The following PCNX1 variants were observed in gnomAD, a reference collection of about 807,000 sequenced individuals.
PCNX1 encodes pecanex 1, also known as pecanex-like protein 1.
PCNX1 carries 78 observed loss-of-function variants against 242.2 expected under a neutral mutation model. That is an observed-to-expected ratio of 0.32 (90% CI 0.27 to 0.39). The LOEUF (loss-of-function observed/expected upper bound fraction) is 0.39, where lower values mean the gene tolerates loss of function less well. Among genes scored for constraint, PCNX1 ranks in the 10% least tolerant of loss-of-function variants. PCNX1 has a pLI of 1.00. For synonymous variants in PCNX1, 1,024 were observed against 1,032.9 expected (o/e 0.99, Z 0.17); for missense variants, 2,581 against 2,856.5 (o/e 0.90, Z 2.20).
At chr14:71,054,094 T>C (rs964177957) in intron 24 of PCNX1, among the ~76,000 whole-genome samples, 3 of 152,236 alleles carry the variant, frequency 2.0e-5, no homozygotes, top group Non-Finnish European at 4.4e-5. Context: ...AAAAAAGAAG[T>C]ATTCTAATAG....
intron 8 of PCNX1, among the ~76,000 whole-genome samples, 176 bp from the exon 9 acceptor site, chr14:71,009,458 G>A (rs528639939): frequency 2.0e-5 from 3 of 152,230 alleles, no homozygotes; most frequent in East Asian, 1.9e-4. Context: ...ACTGTCCAAC[G>A]TTCCTTTTCA....
intron 26 of PCNX1, among the ~76,000 whole-genome samples, chr14:71,070,633 G>T (rs1350073385): frequency 2.6e-5 from 4 of 152,146 alleles, no homozygotes; most frequent in Admixed American, 2.0e-4. Context: ...GGAGCAGAAG[G>T]TCTGAACAGT....
At chr14:70,952,851 T>A (rs1182621755) in intron 2 of PCNX1, among the ~76,000 whole-genome samples, 1 of 152,220 alleles carries the variant, frequency 6.6e-6, no homozygotes, top group Non-Finnish European at 1.5e-5. Context: ...CCAAAATGAT[T>A]TTACCAGTTT....
In PCNX1 at chr14:70,977,424, A is replaced by G. The variant is rs757193896; in HGVS notation, c.1087A>G (p.Lys363Glu). Reference sequence around the variant, plus strand: ...AAAAAGTGGGAAGAGCAAACCTTTGAAAGCAGAGAAAAGCATGGACAGCTT... The same window carrying G: ...AAAAAGTGGGAAGAGCAAACCTTTGGAAGCAGAGAAAAGCATGGACAGCTT... ...PTKSGKSKPL[K>E]AEKSMDSLRS... The change falls in exon 6 of 36, where the codon AAA becomes GAA. Residue 363 changes from lysine to glutamate, a missense_variant. Lys to Glu is a moderately conservative substitution (Grantham distance 56, BLOSUM62 1). Transcript: ENST00000304743. 2 of 1,614,102 alleles carry G rather than the reference A, an allele frequency of 1.2e-6. No individual in the cohort carries two copies. The highest frequency in any genetic ancestry group is 2.2e-5 in the South Asian group (2 of 91,088).
At chr14:70,973,817 C>A (rs2058611311) in intron 5 of PCNX1, among the ~76,000 whole-genome samples, 2 of 152,050 alleles carry the variant, frequency 1.3e-5, no homozygotes, top group Admixed American at 6.5e-5. Context: ...TAGACCTCTG[C>A]CACTGATAAA....
At chr14:70,924,794 G>A (rs1453137308) in intron 1 of PCNX1, among the ~76,000 whole-genome samples, 1 of 151,910 alleles carries the variant, frequency 6.6e-6, no homozygotes, top group Non-Finnish European at 1.5e-5. Context: ...TTGCTATGTT[G>A]CCCAGGCTGG....
intron 1 of PCNX1, among the ~76,000 whole-genome samples, chr14:70,914,787 CTT>C (rs975422583): frequency 6.6e-6 from 1 of 152,144 alleles, no homozygotes; most frequent in Non-Finnish European, 1.5e-5. Flanking sequence ...CCCCTAAACT[CTT>C]CAGCAGGTGC....
At position 71,045,017 on chromosome 14, in the gene PCNX1, A is replaced by G. The variant is rs1331617421; in HGVS notation, c.3868-116A>G. ...AACTGTAGAAAAATGTTTAGTTCTT[A>G]TATTCTAAAATGGACGTTGTCCATT... is the stretch of plus-strand genomic sequence containing the variant. On this transcript the variant is annotated intron_variant, in intron 19 of 35. Transcript: ENST00000304743. 3 of 685,498 alleles carry G rather than the reference A, an allele frequency of 4.4e-6. No homozygotes were observed. In the African/African-American group the frequency reaches 5.5e-5, roughly 13 times the overall value. The allele number at this position is 685,498 out of a possible 1,614,324, so 42.5% of individuals were successfully genotyped here.
At chr14:70,958,534 T>C (rs1224885065) in intron 2 of PCNX1, among the ~76,000 whole-genome samples, 1 of 152,228 alleles carries the variant, frequency 6.6e-6, no homozygotes, top group African/African-American at 2.4e-5. Flanking sequence ...AAACTGTCAC[T>C]TCATGTCCCT....
intron 28 of PCNX1, among the ~76,000 whole-genome samples, chr14:71,080,723 C>A (rs890280770): frequency 1.3e-5 from 2 of 152,168 alleles, no homozygotes; most frequent in African/African-American, 4.8e-5. Context: ...GATTTTGTAT[C>A]TTGAGACTTT....
intron 8 of PCNX1, among the ~76,000 whole-genome samples, chr14:71,007,234 A>C (rs900598105): frequency 9.2e-5 from 14 of 152,090 alleles, no homozygotes; most frequent in African/African-American, 3.4e-4. Context: ...TTAAAATGCA[A>C]CTATTTCTAT....
intron 1 of PCNX1, among the ~76,000 whole-genome samples, chr14:70,937,297 A>G (rs940486007): frequency 1.3e-5 from 2 of 152,022 alleles, no homozygotes; most frequent in African/African-American, 4.8e-5. Flanking sequence ...ATCCATCTTG[A>G]ATTAATTTTT....
intron 1 of PCNX1, among the ~76,000 whole-genome samples, chr14:70,915,766 TACTC>T (rs1263939076): frequency 6.6e-6 from 1 of 152,196 alleles, no homozygotes; most frequent in Non-Finnish European, 1.5e-5. Context: ...CTTTGATAAA[TACTC>T]ATTTTACAAA....
Position 71,114,103 on chromosome 14 carries a change from G to A in PCNX1, c.*4168G>A, listed in dbSNP as rs1449676172. 1 of 152,138 alleles carries A rather than the reference G, an allele frequency of 6.6e-6. No individual in the cohort carries two copies. The highest frequency in any genetic ancestry group is 1.5e-5 in the Non-Finnish European group (1 of 68,022). 9.4% of individuals were successfully genotyped at this position (152,138 alleles called of 1,614,324 possible). Reference sequence around the variant, plus strand: ...TGGTACATGGAACTTGCTAATGGAGGTTGGACATTCTGTTTCAGTCTTACA... The same window carrying A: ...TGGTACATGGAACTTGCTAATGGAGATTGGACATTCTGTTTCAGTCTTACA... On this transcript the variant is annotated 3_prime_UTR_variant, in exon 36 of 36. Coordinates refer to ENST00000304743, the MANE Select transcript of PCNX1 (RefSeq NM_014982.3).
intron 5 of PCNX1, among the ~76,000 whole-genome samples, chr14:70,969,452 T>TA (rs1022965355): frequency 6.6e-6 from 1 of 152,214 alleles, no homozygotes; most frequent in Non-Finnish European, 1.5e-5. Context: ...GTAAAACTGT[T>TA]ACTTTCCATT....
At chr14:70,938,862 G>A (rs953348140) in intron 1 of PCNX1, among the ~76,000 whole-genome samples, 23 of 152,286 alleles carry the variant, frequency 1.5e-4, no homozygotes, top group African/African-American at 4.8e-4. Flanking sequence ...TCTTGGGAGG[G>A]TGTATGTGTC....
In PCNX1 at chr14:71,057,656, C is replaced by T; in HGVS notation, c.4784C>T (p.Ala1595Val). Reference sequence around the variant, plus strand: ...ATCCTTGCCTCTGACTATCTCAATGCATTAGTACACCTTATAGAGATAGGC... The same window carrying T: ...ATCCTTGCCTCTGACTATCTCAATGTATTAGTACACCTTATAGAGATAGGC... ...CFILASDYLN[A>V]LVHLIEIGNG... is the part of the protein sequence containing the mutation. Residue 1595 changes from alanine to valine, a missense_variant, in exon 26 of 36, where the codon GCA becomes GTA. Coordinates refer to ENST00000304743, the MANE Select transcript of PCNX1 (RefSeq NM_014982.3). 6.2e-7 allele frequency: 1 copy of T among 1,613,844 alleles called. No homozygotes were observed. Among genetic ancestry groups the T allele is most frequent in the Non-Finnish European group, 8.5e-7 (1 of 1,179,774 alleles).
intron 2 of PCNX1, among the ~76,000 whole-genome samples, chr14:70,948,885 A>G (rs1166563061): frequency 2.0e-5 from 3 of 148,686 alleles, no homozygotes; most frequent in Admixed American, 2.0e-4. Context: ...AGATATGTGT[A>G]TATATACACA....
intron 23 of PCNX1, among the ~76,000 whole-genome samples, chr14:71,051,682 A>G (rs930998128): frequency 2.0e-5 from 3 of 152,364 alleles, no homozygotes; most frequent in Middle Eastern, 3.4e-3. Flanking sequence ...TGAAAGCAGC[A>G]TACCAGGTTG....
Sources: gnomAD v4.1 joint callset for allele counts (sites outside exome capture counted in the v4.1 genomes callset) on GRCh38, gnomAD v4.1.1 for gene constraint, MANE v1.5 for transcripts, NCBI Gene and HGNC (gene_info 2026-07-23, HGNC 2026-07-21) for gene names.